SHB: variants seen among roughly 807,000 people sequenced by gnomAD.
SHB encodes SH2 domain containing adaptor protein B.
A neutral mutation model predicts 52.3 loss-of-function variants in SHB; 20 were observed. The observed-to-expected ratio is 0.38, with a 90% CI of 0.27 to 0.56. The LOEUF (loss-of-function observed/expected upper bound fraction) is 0.56. SHB is among the 20% of genes least tolerant of loss of function. The probability of loss-of-function intolerance (pLI) is 0.71; values close to 1 mark genes in which losing one functional copy is unlikely to be tolerated. For missense variants in SHB, 825 were observed against 723.3 expected, an observed-to-expected ratio of 1.14 and a Z score of -1.61; for synonymous variants, 397 against 316.5, an observed-to-expected ratio of 1.25 and a Z score of -2.70.
At position 37,919,827 on chromosome 9, in the gene SHB, G is replaced by A; in HGVS notation, c.1524C>T (p.Thr508=). The stretch of plus-strand genomic sequence containing the variant: ...CAGGGCAGGTCTGGTCCGCTCACAG[G>A]GTCCTCACAGCCACGGGATAGAGGA... The part of the protein sequence containing the change: ...LSLLYPVAVR[T]L Residue 508 remains threonine, a synonymous_variant, in exon 6 of 6, where the codon ACC becomes ACT. Coordinates refer to ENST00000377707, the MANE Select transcript of SHB (RefSeq NM_003028.3). The A allele has an allele frequency of 6.2e-7, 1 of 1,613,152 alleles. No homozygotes were observed. The highest frequency in any genetic ancestry group is 2.2e-5 in the East Asian group (1 of 44,874).
intron 5 of SHB, among the ~76,000 whole-genome samples, chr9:37,941,557 A>G (rs1169256204): frequency 6.6e-6 from 1 of 152,192 alleles, no homozygotes; most frequent in African/African-American, 2.4e-5. Flanking sequence ...CCCTGCAACC[A>G]CTGCTGAGCA....
At chr9:37,944,810 C>T (rs1297977268) in intron 5 of SHB, among the ~76,000 whole-genome samples, 1 of 152,192 alleles carries the variant, frequency 6.6e-6, no homozygotes, top group African/African-American at 2.4e-5. Flanking sequence ...GAACACCTGC[C>T]TTCTCTTGAA....
chr9:38,018,324 T>TA, intron 1 of SHB, among the ~76,000 whole-genome samples: 1 of 152,278 alleles, frequency 6.6e-6, no homozygotes, highest in South Asian at 2.1e-4. Context: ...ATTCAGCAAG[T>TA]GCTACCTATA....
intron 2 of SHB, among the ~76,000 whole-genome samples, chr9:37,994,307 C>G (rs1256606256): frequency 6.6e-6 from 1 of 152,220 alleles, no homozygotes; most frequent in East Asian, 1.9e-4. Context: ...GAAAGAGTAA[C>G]CAATGAAGAG....
chr9:38,051,688 C>T (rs1038416960), intron 1 of SHB, among the ~76,000 whole-genome samples: 4 of 152,166 alleles, frequency 2.6e-5, no homozygotes, highest in African/African-American at 9.7e-5. Context: ...TCCAGAGCCC[C>T]ACAGAAGCCC....
At chr9:38,067,000 A>G (rs556533982) in intron 1 of SHB, among the ~76,000 whole-genome samples, 1 of 152,186 alleles carries the variant, frequency 6.6e-6, no homozygotes, top group Non-Finnish European at 1.5e-5. Context: ...CCACCAGAAG[A>G]CAGAACAAGT....
Position 38,068,543 on chromosome 9 carries a change from C to G in SHB, c.103G>C (p.Glu35Gln). ...PDYREQRRRG[E>Q]RPSQPPQAVP... ...GCCTGGGGGGGCTGCGAAGGCCGCTCGCCTCGGCGCCGCTGCTCGCGGTAG... is the reference window on the plus strand; with the variant it reads ...GCCTGGGGGGGCTGCGAAGGCCGCTGGCCTCGGCGCCGCTGCTCGCGGTAG... Residue 35 changes from glutamate to glutamine, a missense_variant, in exon 1 of 6, where the codon GAG becomes CAG. By Grantham distance (29) the Glu-to-Gln change is conservative (BLOSUM62 2). Coordinates refer to ENST00000377707, the MANE Select transcript of SHB (RefSeq NM_003028.3). The G allele has an allele frequency of 2.1e-6, 3 of 1,446,930 alleles. No individual in the cohort carries two copies. The South Asian group carries it at 4.2e-5, about 20-fold the overall frequency. 89.6% of individuals were successfully genotyped at this position (1,446,930 alleles called of 1,614,324 possible).
chr9:37,931,572 T>C (rs143432717), intron 5 of SHB, among the ~76,000 whole-genome samples: 1 of 152,240 alleles, frequency 6.6e-6, no homozygotes, highest in African/African-American at 2.4e-5. Flanking sequence ...ATGGCTATTA[T>C]CAAAAAGTCA....
At chr9:38,049,822 A>C (rs1821716455) in intron 1 of SHB, among the ~76,000 whole-genome samples, 1 of 146,924 alleles carries the variant, frequency 6.8e-6, no homozygotes, top group Admixed American at 6.8e-5. Context: ...TTTTGGAGAC[A>C]GAGTCTTGCT....
At chr9:38,052,441 A>G (rs1429000243) in intron 1 of SHB, among the ~76,000 whole-genome samples, 1 of 152,166 alleles carries the variant, frequency 6.6e-6, no homozygotes, top group African/African-American at 2.4e-5. Context: ...AGTAACTCAC[A>G]AACTCCCACA....
At chr9:38,029,841 G>A (rs1821391345) in intron 1 of SHB, among the ~76,000 whole-genome samples, 1 of 152,188 alleles carries the variant, frequency 6.6e-6, no homozygotes, top group Non-Finnish European at 1.5e-5. Flanking sequence ...AGACCAATAT[G>A]CATGGTAAGC....
chr9:38,005,764 TG>T (rs1295405420), intron 2 of SHB, among the ~76,000 whole-genome samples: 1 of 152,138 alleles, frequency 6.6e-6, no homozygotes, highest in Non-Finnish European at 1.5e-5. Flanking sequence ...TAATAGGGTG[TG>T]GGGCAAATCA....
At chr9:38,061,809 A>G (rs1199128348) in intron 1 of SHB, among the ~76,000 whole-genome samples, 1 of 152,216 alleles carries the variant, frequency 6.6e-6, no homozygotes, top group Non-Finnish European at 1.5e-5. Flanking sequence ...AACAGAGCAC[A>G]CACAGCCCGG....
intron 1 of SHB, among the ~76,000 whole-genome samples, chr9:38,043,652 G>A (rs1464702284): frequency 1.3e-5 from 2 of 152,188 alleles, no homozygotes; most frequent in East Asian, 3.9e-4. Flanking sequence ...CACTTTGGGA[G>A]GCCGAGGCGG....
chr9:37,957,172 C>T (rs940766419), intron 3 of SHB, among the ~76,000 whole-genome samples: 1 of 152,166 alleles, frequency 6.6e-6, no homozygotes, highest in Admixed American at 6.5e-5. Flanking sequence ...GAGGAAGGTT[C>T]CTGAAGCCGA....
At position 38,067,985 on chromosome 9, in the gene SHB, G is replaced by A; in HGVS notation, c.661C>T (p.Leu221Phe). Residue 221 changes from leucine to phenylalanine, a missense_variant, in exon 1 of 6, where the codon CTC (leucine) becomes TTC (phenylalanine). By Grantham distance (22) the Leu-to-Phe change is conservative. Transcript: ENST00000377707. ...GCGGCTGAGGCGGCGCACTTGTTGA[G>A]CAGTTTCTTGCCTCCGCAGGCCGTC... ...SPTACGGKKL[L>F]NKCAASAAEE... 6.5e-7 allele frequency: 1 copy of A among 1,549,004 alleles called. No homozygotes were observed. The highest frequency in any genetic ancestry group is 1.9e-5 in the Admixed American group (1 of 53,662).
intron 4 of SHB, among the ~76,000 whole-genome samples, chr9:37,951,330 G>C (rs550117865): frequency 6.6e-6 from 1 of 152,322 alleles, no homozygotes; most frequent in East Asian, 1.9e-4. Flanking sequence ...TGTGAAGTTG[G>C]GGTATGCATG....
intron 5 of SHB, among the ~76,000 whole-genome samples, chr9:37,926,818 C>T (rs191805999): frequency 6.6e-6 from 1 of 152,322 alleles, no homozygotes; most frequent in Non-Finnish European, 1.5e-5. Context: ...AGACACTGCC[C>T]CAACACTGTG....
intron 2 of SHB, among the ~76,000 whole-genome samples, chr9:38,013,892 G>C (rs1821175559): frequency 6.6e-6 from 1 of 152,170 alleles, no homozygotes; most frequent in Non-Finnish European, 1.5e-5. Context: ...TGCGACTCCA[G>C]GAAAGGAGCC....
Sources: allele counts gnomAD v4.1 joint callset (sites outside exome capture counted in the v4.1 genomes callset), GRCh38; gene constraint gnomAD v4.1.1; transcripts MANE v1.5; gene names NCBI Gene and HGNC (gene_info 2026-07-23, HGNC 2026-07-21).